The following RAD51B variants were observed in gnomAD, a reference collection of about 807,000 sequenced individuals.
The protein encoded by RAD51B is RAD51 paralog B.
Under a neutral mutation model 42.2 loss-of-function variants are expected in RAD51B, and 38 were observed. The ratio of observed to expected loss-of-function variants is 0.90; its 90% CI spans 0.70 to 1.18. The LOEUF is 1.18. RAD51B is among the 50% of genes most tolerant of loss of function. The pLI is 0.00. For missense variants in RAD51B, 373 were observed against 400.7 expected (o/e 0.93, Z 0.59); for synonymous variants, 154 against 145.2 (o/e 1.06, Z -0.43).
intron 9 of RAD51B, among the ~76,000 whole-genome samples, chr14:68,438,484 C>T (rs537781408): frequency 6.6e-6 from 1 of 152,284 alleles, no homozygotes; most frequent in East Asian, 1.9e-4. Context: ...TTCCTGCTTA[C>T]GTGGACAGTG....
chr14:68,210,249 G>A (rs763946777), intron 7 of RAD51B, among the ~76,000 whole-genome samples: 4 of 152,072 alleles, frequency 2.6e-5, no homozygotes, highest in South Asian at 4.1e-4. Flanking sequence ...GTGAGCCACC[G>A]CACCCAGCCA....
Position 68,668,812 on chromosome 14 carries a change from G to A in RAD51B, c.*11+17956G>A, listed in dbSNP as rs189996374. On this transcript the variant is annotated intron_variant, in intron 11 of 11. Coordinates refer to the RAD51B transcript ENST00000488612. ...ACACCTGCTGTGCTGAAGGTGACAAGTCAGGGGCAGCATCTGCATGTCTGA... is the reference window on the plus strand; with the variant it reads ...ACACCTGCTGTGCTGAAGGTGACAAATCAGGGGCAGCATCTGCATGTCTGA... Among the ~76,000 whole-genome samples the A allele has an allele frequency of 2.4e-3, 361 of 152,354 alleles. 1 individual carries two copies. The highest frequency in any genetic ancestry group is 4.3e-3 in the Non-Finnish European group (294 of 68,040).
intron 7 of RAD51B, among the ~76,000 whole-genome samples, chr14:68,051,518 G>A (rs1397901621): frequency 2.8e-4 from 42 of 151,920 alleles, no homozygotes; most frequent in Admixed American, 2.7e-3. Flanking sequence ...AAATTGCTAG[G>A]TGAATTTTCA....
intron 8 of RAD51B, among the ~76,000 whole-genome samples, chr14:68,351,559 C>A (rs1157090000): frequency 6.6e-6 from 1 of 152,114 alleles, no homozygotes; most frequent in African/African-American, 2.4e-5. Context: ...GAGAGGGGTA[C>A]ATTGACTAAG....
At chr14:67,830,452 A>G (rs2040997548) in intron 3 of RAD51B, among the ~76,000 whole-genome samples, 1 of 152,026 alleles carries the variant, frequency 6.6e-6, no homozygotes, top group Non-Finnish European at 1.5e-5. Context: ...CCCAGGCTGG[A>G]GTGCAGTGGT....
intron 7 of RAD51B, among the ~76,000 whole-genome samples, chr14:68,099,169 T>C (rs896389311): frequency 1.3e-5 from 2 of 152,196 alleles, no homozygotes; most frequent in Non-Finnish European, 2.9e-5. Flanking sequence ...TCCTACTCTT[T>C]GTTGTGGAAG....
intron 7 of RAD51B, among the ~76,000 whole-genome samples, chr14:68,165,579 G>A (rs2078732400): frequency 6.6e-6 from 1 of 152,006 alleles, no homozygotes; most frequent in Admixed American, 6.6e-5. Context: ...TTCTTGTCTT[G>A]TGAGAACTGG....
intron 10 of RAD51B, among the ~76,000 whole-genome samples, chr14:68,572,335 C>T (rs1438119638): frequency 3.3e-5 from 5 of 152,240 alleles, no homozygotes; most frequent in Admixed American, 1.3e-4. Context: ...GCCTCCCAGA[C>T]GTCACACCTT....
At chr14:68,285,441 G>A (rs747440186) in intron 7 of RAD51B, among the ~76,000 whole-genome samples, 3 of 152,292 alleles carry the variant, frequency 2.0e-5, no homozygotes, top group Non-Finnish European at 4.4e-5. Flanking sequence ...ATGAAAGGCA[G>A]AGCCTCGTCA....
chr14:68,219,122 T>C (rs1401441204), intron 7 of RAD51B, among the ~76,000 whole-genome samples: 1 of 152,252 alleles, frequency 6.6e-6, no homozygotes. Context: ...GCAGCATAGC[T>C]GACAGAGCAC....
At chr14:68,607,469 C>T (rs1321236000) in intron 10 of RAD51B, among the ~76,000 whole-genome samples, 2 of 152,206 alleles carry the variant, frequency 1.3e-5, no homozygotes, top group African/African-American at 4.8e-5. Flanking sequence ...AAGTCTGCGG[C>T]CAGCCCTGCT....
intron 7 of RAD51B, among the ~76,000 whole-genome samples, chr14:68,151,016 A>G (rs1421685299): frequency 6.6e-6 from 1 of 152,044 alleles, no homozygotes; most frequent in East Asian, 1.9e-4. Context: ...ATTTCCTGTG[A>G]TCTTTCCTTT....
chr14:68,032,228 T>C (rs2076058405), intron 7 of RAD51B, among the ~76,000 whole-genome samples: 1 of 152,170 alleles, frequency 6.6e-6, no homozygotes, highest in Non-Finnish European at 1.5e-5. Context: ...ATAAAGGTCC[T>C]TGCATTATTT....
chr14:68,472,446 T>C (rs2140243047), intron 10 of RAD51B, among the ~76,000 whole-genome samples: 1 of 152,196 alleles, frequency 6.6e-6, no homozygotes, highest in South Asian at 2.1e-4. Context: ...CCTGCGGACT[T>C]GGTGAAACAG....
chr14:68,363,960 T>A (rs2083086060), intron 8 of RAD51B, among the ~76,000 whole-genome samples: 1 of 152,204 alleles, frequency 6.6e-6, no homozygotes, highest in African/African-American at 2.4e-5. Flanking sequence ...CGCTTCTGGC[T>A]GGACTGCAGG....
chr14:68,567,263 G>A (rs932180454), intron 10 of RAD51B, among the ~76,000 whole-genome samples: 3 of 151,944 alleles, frequency 2.0e-5, no homozygotes, highest in Non-Finnish European at 4.4e-5. Context: ...CGCGGCCACT[G>A]CACTCCAGCC....
intron 8 of RAD51B, among the ~76,000 whole-genome samples, chr14:68,350,771 TG>T (rs1250926211): frequency 1.3e-5 from 2 of 152,246 alleles, no homozygotes; most frequent in Non-Finnish European, 1.5e-5. Flanking sequence ...TCAAATCCAC[TG>T]AACACATTTG....
intron 7 of RAD51B, among the ~76,000 whole-genome samples, chr14:68,276,048 A>C (rs1382832777): frequency 6.6e-6 from 1 of 152,162 alleles, no homozygotes; most frequent in Non-Finnish European, 1.5e-5. Context: ...GCCTGTTTTC[A>C]TGCTTTTCAA....
At chr14:67,827,122 C>A (rs2040861748) in intron 3 of RAD51B, among the ~76,000 whole-genome samples, 1 of 152,170 alleles carries the variant, frequency 6.6e-6, no homozygotes, top group African/African-American at 2.4e-5. Flanking sequence ...ATTGCTTGAA[C>A]AGCTTTCTTT....
Sources: allele counts gnomAD v4.1 joint callset (sites outside exome capture counted in the v4.1 genomes callset), GRCh38; gene constraint gnomAD v4.1.1; transcripts MANE v1.5; gene names NCBI Gene and HGNC (gene_info 2026-07-23, HGNC 2026-07-21).